ACVR1C: variants seen among roughly 807,000 people sequenced by gnomAD.
ACVR1C encodes the protein activin receptor type-1C.
A neutral mutation model predicts 57.9 loss-of-function variants in ACVR1C; 23 were observed. The observed-to-expected ratio is 0.40, with a 90% CI of 0.29 to 0.56. ACVR1C has a LOEUF of 0.56. Among genes scored for constraint, ACVR1C ranks in the 20% least tolerant of loss-of-function variants. The pLI is 0.50. For missense variants in ACVR1C, 480 were observed against 607.9 expected (o/e 0.79, Z 2.21); for synonymous variants, 214 against 215.3 (o/e 0.99, Z 0.05).
chr2:157,561,925 C>T (rs1246049583), intron 2 of ACVR1C, among the ~76,000 whole-genome samples: 1 of 152,198 alleles, frequency 6.6e-6, no homozygotes, highest in Non-Finnish European at 1.5e-5. Flanking sequence ...GCAGAGTCCA[C>T]AACCTTGTGG....
At chr2:157,542,541 T>C (rs538341732) in intron 6 of ACVR1C, among the ~76,000 whole-genome samples, 165 bp downstream of exon 6, 3 of 152,354 alleles carry the variant, frequency 2.0e-5, no homozygotes, top group African/African-American at 7.2e-5. Context: ...CCTTGCTTTA[T>C]AACCATTGCA....
At chr2:157,575,408 C>G (rs1688620704) in intron 2 of ACVR1C, among the ~76,000 whole-genome samples, 1 of 152,234 alleles carries the variant, frequency 6.6e-6, no homozygotes, top group Admixed American at 6.5e-5. Context: ...GCTGGGATTA[C>G]AGGCTTCAGC....
intron 2 of ACVR1C, among the ~76,000 whole-genome samples, chr2:157,578,864 G>T (rs61360951): frequency 0.019 from 2,816 of 152,084 alleles, 104 homozygotes; most frequent in African/African-American, 0.064. Flanking sequence ...CAACTTAATT[G>T]AATTTAATTA....
intron 2 of ACVR1C, among the ~76,000 whole-genome samples, chr2:157,559,427 C>T (rs184174406): frequency 1.2e-3 from 180 of 151,998 alleles, no homozygotes; most frequent in African/African-American, 4.2e-3. Context: ...AAAAAAAAAA[C>T]TGTAGTCTAC....
chr2:157,550,520 G>T, intron 3 of ACVR1C, 128 bp from the exon 4 acceptor site: 1 of 817,646 alleles, frequency 1.2e-6, no homozygotes, highest in Non-Finnish European at 1.9e-6. Flanking sequence ...TATTTTGAAG[G>T]AATAAGTACC....
intron 4 of ACVR1C, among the ~76,000 whole-genome samples, chr2:157,545,743 T>C (rs1163687788): frequency 1.3e-5 from 2 of 152,158 alleles, no homozygotes; most frequent in Admixed American, 6.5e-5. Flanking sequence ...ATAATATGTC[T>C]TGTGCATATT....
chr2:157,627,114 G>A (rs1388735840), intron 1 of ACVR1C, among the ~76,000 whole-genome samples: 1 of 152,158 alleles, frequency 6.6e-6, no homozygotes, highest in Non-Finnish European at 1.5e-5. Context: ...AGAAATGTGT[G>A]CAGCCAAGTT....
chr2:157,588,882 T>TATATATATAC (rs1165852661), intron 1 of ACVR1C, among the ~76,000 whole-genome samples: 4 of 135,138 alleles, frequency 3.0e-5, no homozygotes, highest in African/African-American at 1.1e-4. Context: ...TATATATACG[T>TATATATATAC]GTGTGTGTAT....
intron 3 of ACVR1C, among the ~76,000 whole-genome samples, chr2:157,550,734 CAA>C (rs61211065): frequency 3.6e-5 from 5 of 138,600 alleles, no homozygotes; most frequent in Admixed American, 7.1e-5. Flanking sequence ...AGAGTAAAAG[CAA>C]AAAAAAAAAA....
At position 157,550,153 on chromosome 2, in the gene ACVR1C, T is replaced by G; in HGVS notation, c.775+9A>C. 1 of 1,613,002 alleles carries G rather than the reference T, an allele frequency of 6.2e-7. No individual in the cohort carries two copies. Among genetic ancestry groups the G allele is most frequent in the East Asian group, 2.2e-5 (1 of 44,882 alleles). On this transcript the variant is annotated intron_variant, in intron 4 of 8. Coordinates refer to ENST00000243349, the MANE Select transcript of ACVR1C (RefSeq NM_145259.3). The stretch of plus-strand genomic sequence containing the variant: ...TTTTACTTGTTGAACACAATTAGAT[T>G]GGAAATACCTTTGTTGTCAGCAGCA...
chr2:157,556,156 C>T lies in ACVR1C; in HGVS notation c.481G>A (p.Val161Ile), dbSNP rs1247387129. The T allele has an allele frequency of 3.7e-6, 6 of 1,613,910 alleles. No homozygotes were observed. The highest frequency in any genetic ancestry group is 3.3e-4 in the Middle Eastern group (2 of 6,084). ...VEEPLSECNL[V>I]NAGKTLKDLI... ...TCTTTCAGAGTTTTTCCAGCATTTA[C>T]CAGATTGCACTCAGAGAGTGGTTCC... Residue 161 changes from valine to isoleucine, a missense_variant, in exon 3 of 9, where the codon GTA becomes ATA. Coordinates refer to ENST00000243349, the MANE Select transcript of ACVR1C (RefSeq NM_145259.3).
intron 1 of ACVR1C, among the ~76,000 whole-genome samples, chr2:157,623,951 T>G (rs1002252522): frequency 5.3e-5 from 8 of 152,308 alleles, no homozygotes; most frequent in African/African-American, 1.7e-4. Flanking sequence ...ACACTCTTTA[T>G]GCTTAGAATT....
chr2:157,537,777 T>C (rs1687524213), intron 8 of ACVR1C, among the ~76,000 whole-genome samples: 1 of 152,238 alleles, frequency 6.6e-6, no homozygotes, highest in Non-Finnish European at 1.5e-5. Context: ...TAGAGTCTTT[T>C]TCCCACCTTC....
At chr2:157,539,493 C>T (rs1687569180) in intron 7 of ACVR1C, among the ~76,000 whole-genome samples, 1 of 152,132 alleles carries the variant, frequency 6.6e-6, no homozygotes, top group East Asian at 1.9e-4. Flanking sequence ...CTACAATTCA[C>T]GTCTGCTAAA....
In ACVR1C at chr2:157,609,472, T is replaced by G. The variant is rs115102789; in HGVS notation, c.73+19100A>C. On this transcript the variant is annotated intron_variant, in intron 1 of 8. Coordinates refer to ENST00000243349, the MANE Select transcript of ACVR1C (RefSeq NM_145259.3). ...TGTTGGATAGAATGTTCTGTATATG[T>G]TTGTTAGGTCCATTTGGTCTAAGGT... Among the ~76,000 whole-genome samples the G allele has an allele frequency of 3.4e-3, 515 of 152,136 alleles. 1 individual carries two copies. The highest frequency in any genetic ancestry group is 0.012 in the African/African-American group (490 of 41,552).
Position 157,531,379 on chromosome 2 carries a change from A to T in ACVR1C, c.*2539T>A, listed in dbSNP as rs568764002. 6.6e-5 allele frequency: 10 copies of T among 152,184 alleles called. No individual in the cohort carries two copies. In the East Asian group the frequency reaches 1.9e-3, roughly 29 times the overall value. The allele number at this position is 152,184 out of a possible 1,614,324, so 9.4% of individuals were successfully genotyped here. A position where few individuals can be genotyped will look rare whatever the true frequency, so the allele number is the denominator to read the frequency against. On this transcript the variant is annotated 3_prime_UTR_variant, in exon 9 of 9. Coordinates refer to ENST00000243349, the MANE Select transcript of ACVR1C (RefSeq NM_145259.3). The stretch of plus-strand genomic sequence containing the variant: ...GGAGTCATAGTTAAACAACACAAGA[A>T]CAAGAAAAATACCTCAAAATGTACT...
intron 1 of ACVR1C, among the ~76,000 whole-genome samples, chr2:157,623,615 G>A (rs1573961963): frequency 6.6e-6 from 1 of 151,114 alleles, no homozygotes; most frequent in South Asian, 2.1e-4. Context: ...GTAGTAGGGG[G>A]TTGGTGGGGG....
intron 5 of ACVR1C, among the ~76,000 whole-genome samples, chr2:157,543,230 C>T (rs1003269938): frequency 2.6e-5 from 4 of 152,170 alleles, no homozygotes; most frequent in South Asian, 2.1e-4. Context: ...TCTATTACCC[C>T]ACACCAGCAG....
At chr2:157,536,512 G>C (rs747757796) in intron 8 of ACVR1C, among the ~76,000 whole-genome samples, 2 of 152,098 alleles carry the variant, frequency 1.3e-5, no homozygotes, top group African/African-American at 2.4e-5. Context: ...TAACTTCAAG[G>C]TGTTTAGAGA....
Sources: allele counts gnomAD v4.1 joint callset (sites outside exome capture counted in the v4.1 genomes callset), GRCh38; gene constraint gnomAD v4.1.1; transcripts MANE v1.5; gene names NCBI Gene and HGNC (gene_info 2026-07-23, HGNC 2026-07-21).